TTC28: variants seen among roughly 807,000 people sequenced by gnomAD.
TTC28 encodes the protein tetratricopeptide repeat protein 28.
TTC28 carries 61 observed loss-of-function variants against 198.0 expected under a neutral mutation model. That is an observed-to-expected ratio of 0.31 (90% CI 0.25 to 0.38). The LOEUF (loss-of-function observed/expected upper bound fraction) is 0.38. TTC28 is among the 10% of genes least tolerant of loss of function. The pLI is 1.00. For synonymous variants in TTC28, 1,171 were observed against 1,297.8 expected (o/e 0.90, Z 2.10); for missense variants, 2,678 against 3,164.0 (o/e 0.85, Z 3.69).
At chr22:28,170,496 AAAAAAAAG>A (rs1335516486) in intron 5 of TTC28, among the ~76,000 whole-genome samples, 2 of 151,886 alleles carry the variant, frequency 1.3e-5, no homozygotes, top group African/African-American at 4.8e-5. Flanking sequence ...CTCCAAAAAA[AAAAAAAAG>A]AAAAAAAGAA....
intron 13 of TTC28, among the ~76,000 whole-genome samples, chr22:28,028,569 CCTGA>C (rs1310750888): frequency 6.6e-6 from 1 of 152,166 alleles, no homozygotes; most frequent in Non-Finnish European, 1.5e-5. Context: ...ACCATGGATG[CCTGA>C]CTGTCTGCTT....
rs569758781 is a variant in TTC28, at chr22:28,266,476, T to G, written c.933+29722A>C. Among the ~76,000 whole-genome samples the G allele has an allele frequency of 7.9e-5, 12 of 152,310 alleles. 1 individual carries two copies. The highest frequency in any genetic ancestry group is 2.9e-4 in the African/African-American group (12 of 41,554). Reference sequence around the variant, plus strand: ...CCTTCCAATAGGGATGTGGGTTGACTCTGGGTTCAGCCTCGTTCCCTTGCC... The same window carrying G: ...CCTTCCAATAGGGATGTGGGTTGACGCTGGGTTCAGCCTCGTTCCCTTGCC... On this transcript the variant is annotated intron_variant, in intron 5 of 22. Coordinates refer to ENST00000397906, the MANE Select transcript of TTC28 (RefSeq NM_001145418.2).
intron 2 of TTC28, among the ~76,000 whole-genome samples, chr22:28,517,108 C>A (rs2048805204): frequency 6.6e-6 from 1 of 152,086 alleles, no homozygotes; most frequent in Admixed American, 6.6e-5. Context: ...AATCTAAAGC[C>A]CACCAGCTTT....
At chr22:28,411,289 T>C (rs6005779) in intron 2 of TTC28, among the ~76,000 whole-genome samples, 12,143 of 152,240 alleles carry the variant, frequency 0.08, 800 homozygotes, top group African/African-American at 0.18. Flanking sequence ...AGATCCTAGC[T>C]ATCTGATGCC....
chr22:28,674,045 C>G (rs1293156594), intron 1 of TTC28, among the ~76,000 whole-genome samples: 1 of 152,032 alleles, frequency 6.6e-6, no homozygotes, highest in East Asian at 1.9e-4. Flanking sequence ...AAATAAAGAG[C>G]TTTCAATTAT....
At chr22:28,658,770 G>A (rs1195107158) in intron 1 of TTC28, among the ~76,000 whole-genome samples, 3 of 152,224 alleles carry the variant, frequency 2.0e-5, no homozygotes, top group Non-Finnish European at 4.4e-5. Flanking sequence ...GCCAAGGCAG[G>A]TGGATCACCT....
intron 1 of TTC28, among the ~76,000 whole-genome samples, chr22:28,644,884 C>G (rs192589737): frequency 6.6e-6 from 1 of 150,950 alleles, no homozygotes; most frequent in Non-Finnish European, 1.5e-5. Flanking sequence ...GGTGGCTCAC[C>G]CCTGTAATCC....
chr22:28,169,079 T>C (rs1228481658), intron 5 of TTC28, among the ~76,000 whole-genome samples: 1 of 152,164 alleles, frequency 6.6e-6, no homozygotes, highest in African/African-American at 2.4e-5. Context: ...AAAATGCTCA[T>C]CATTACTGGC....
In TTC28 at chr22:28,397,112, T is replaced by G. The variant is rs879296999; in HGVS notation, c.382-90469A>C. On this transcript the variant is annotated intron_variant, in intron 2 of 22. Transcript: ENST00000397906. ...TGAACATCTTTTATATAGCAAACAG[T>G]GAGCTACATGCTGGCGATAAAGTTA... Among the ~76,000 whole-genome samples the G allele has an allele frequency of 4.6e-5, 7 of 152,228 alleles. No homozygotes were observed. The East Asian group carries it at 1.3e-3, about 29-fold the overall frequency.
intron 2 of TTC28, among the ~76,000 whole-genome samples, chr22:28,310,586 G>A (rs1182608751): frequency 6.6e-6 from 1 of 151,792 alleles, no homozygotes; most frequent in African/African-American, 2.4e-5. Context: ...CTCTCCCTTG[G>A]CCTAAATGAG....
At chr22:28,272,214 A>C (rs1409792121) in intron 5 of TTC28, among the ~76,000 whole-genome samples, 1 of 152,208 alleles carries the variant, frequency 6.6e-6, no homozygotes, top group Non-Finnish European at 1.5e-5. Context: ...AAAATTTGAT[A>C]ATGTTAGCAC....
chr22:28,662,762 C>A (rs113326098), intron 1 of TTC28, among the ~76,000 whole-genome samples: 3,003 of 152,188 alleles, frequency 0.02, 30 homozygotes, highest in Non-Finnish European at 0.027. Context: ...AAATGGTTTT[C>A]ATAAATCTTT....
intron 2 of TTC28, among the ~76,000 whole-genome samples, chr22:28,310,615 T>G (rs760352374): frequency 5.9e-5 from 9 of 152,148 alleles, no homozygotes; most frequent in Non-Finnish European, 1.0e-4. Flanking sequence ...TAAACTACCA[T>G]GTTCACAGGT....
intron 2 of TTC28, among the ~76,000 whole-genome samples, chr22:28,311,026 C>T (rs1362531788): frequency 6.6e-6 from 1 of 152,112 alleles, no homozygotes. Context: ...ATGATCTACC[C>T]ACCTTGGCTT....
chr22:28,059,432 A>C (rs895496523), intron 12 of TTC28, among the ~76,000 whole-genome samples: 5 of 152,142 alleles, frequency 3.3e-5, no homozygotes, highest in Non-Finnish European at 7.4e-5. Flanking sequence ...TTTAACTTCT[A>C]TCAAAATGTG....
intron 12 of TTC28, among the ~76,000 whole-genome samples, chr22:28,077,935 G>A (rs560706179): frequency 6.6e-5 from 10 of 152,254 alleles, no homozygotes; most frequent in African/African-American, 2.2e-4. Context: ...CCACAGCACC[G>A]TTCTAGGAGC....
At chr22:28,441,723 C>A (rs1181665477) in intron 2 of TTC28, among the ~76,000 whole-genome samples, 1 of 152,060 alleles carries the variant, frequency 6.6e-6, no homozygotes, top group Admixed American at 6.5e-5. Context: ...TATCACACAT[C>A]GTGCCACAAA....
chr22:28,335,194 T>G (rs8136079), intron 2 of TTC28, among the ~76,000 whole-genome samples: 106 of 152,158 alleles, frequency 7.0e-4, no homozygotes, highest in Non-Finnish European at 2.5e-4. Context: ...TGAGGGCTCT[T>G]TTCTGTTCCA....
intron 2 of TTC28, among the ~76,000 whole-genome samples, chr22:28,586,235 C>T (rs1247850658): frequency 1.3e-5 from 2 of 150,066 alleles, no homozygotes; most frequent in East Asian, 3.9e-4. Context: ...GCCAAGATTG[C>T]ACCACTACAT....
Sources: allele counts gnomAD v4.1 joint callset (sites outside exome capture counted in the v4.1 genomes callset), GRCh38; gene constraint gnomAD v4.1.1; transcripts MANE v1.5; gene names NCBI Gene and HGNC (gene_info 2026-07-23, HGNC 2026-07-21).